NID1: variants seen among roughly 807,000 people sequenced by gnomAD.
NID1 encodes the protein nidogen 1.
In NID1, 76 loss-of-function variants were observed where a neutral mutation model predicts 130.6. The observed-to-expected ratio is 0.58, with a 90% CI of 0.48 to 0.70. The LOEUF is 0.70. Among genes scored for constraint, NID1 ranks in the 30% least tolerant of loss-of-function variants. The pLI is 0.00. For synonymous variants in NID1, 665 were observed against 675.1 expected (o/e 0.98, Z 0.23); for missense variants, 1,517 against 1,664.8 (o/e 0.91, Z 1.54).
chr1:236,051,396 A>C (rs1168316224), intron 1 of NID1, among the ~76,000 whole-genome samples: 1 of 152,144 alleles, frequency 6.6e-6, no homozygotes, highest in Admixed American at 6.5e-5. Flanking sequence ...ACATGCCAAA[A>C]ACTTGCTATT....
chr1:236,021,929 T>A (rs1572601192), intron 9 of NID1, among the ~76,000 whole-genome samples: 1 of 152,070 alleles, frequency 6.6e-6, no homozygotes, highest in African/African-American at 2.4e-5. Flanking sequence ...GAAGATGGAG[T>A]AATACGATGC....
chr1:236,053,123 C>A (rs1659808108), intron 1 of NID1, among the ~76,000 whole-genome samples: 1 of 152,160 alleles, frequency 6.6e-6, no homozygotes, highest in Admixed American at 6.5e-5. Flanking sequence ...ACCATCATGA[C>A]CTCCATTATT....
At chr1:235,985,341 GC>G in intron 15 of NID1, 37 bp downstream of exon 15, 1 of 1,612,910 alleles carries the variant, frequency 6.2e-7, no homozygotes, top group Non-Finnish European at 8.5e-7. Flanking sequence ...GCTGCTAGAA[GC>G]AAAACCAAAA....
intron 1 of NID1, among the ~76,000 whole-genome samples, chr1:236,061,859 A>G (rs1233749898): frequency 6.6e-6 from 1 of 152,180 alleles, no homozygotes; most frequent in East Asian, 1.9e-4. Context: ...GAGAGATGCA[A>G]ATCAGATTCA....
Position 236,032,469 on chromosome 1 carries a change from A to C in NID1, c.1469T>G (p.Val490Gly). The change falls in exon 6 of 20, where the codon GTT becomes GGT. Residue 490 changes from valine (V) to glycine (G), a missense_variant. Transcript: ENST00000264187. ...VGYSLLPLAP[V>G]GGIIGWMFAV... The stretch of plus-strand genomic sequence containing the variant: ...AAACATCCATCCAATGATGCCTCCA[A>C]CTGGGGCCAGTGGAAGCAGAGAATA... 1 of 1,614,020 alleles carries C rather than the reference A, an allele frequency of 6.2e-7. No individual in the cohort carries two copies. Among genetic ancestry groups the C allele is most frequent in the South Asian group, 1.1e-5 (1 of 91,058 alleles).
chr1:235,980,795 T>C, intron 16 of NID1, 142 bp from the exon 17 acceptor site: 2 of 915,932 alleles, frequency 2.2e-6, no homozygotes, highest in Non-Finnish European at 1.6e-6. Context: ...CGAGAGGTGA[T>C]AAAACACATT....
intron 8 of NID1, among the ~76,000 whole-genome samples, chr1:236,025,059 T>C (rs963769281): frequency 2.6e-5 from 4 of 151,722 alleles, no homozygotes; most frequent in African/African-American, 7.3e-5. Flanking sequence ...CAAGCGATTT[T>C]CCTGCCTCAG....
intron 2 of NID1, among the ~76,000 whole-genome samples, chr1:236,046,569 C>A (rs145866503): frequency 2.1e-3 from 316 of 151,786 alleles, no homozygotes; most frequent in Non-Finnish European, 3.3e-3. Context: ...AGAGGACGTC[C>A]CAAACAGAGA....
intron 10 of NID1, among the ~76,000 whole-genome samples, chr1:236,014,748 A>T (rs1239539580): frequency 6.6e-6 from 1 of 152,164 alleles, no homozygotes; most frequent in East Asian, 1.9e-4. Context: ...CCCTGCACCA[A>T]GATGCCTAGG....
At chr1:235,981,344 T>A (rs1657430760) in intron 16 of NID1, among the ~76,000 whole-genome samples, 1 of 152,218 alleles carries the variant, frequency 6.6e-6, no homozygotes, top group Non-Finnish European at 1.5e-5. Context: ...TGAAGCCATA[T>A]GGAAAATATC....
chr1:236,041,387 C>T (rs1337192246), intron 4 of NID1, among the ~76,000 whole-genome samples: 4 of 151,884 alleles, frequency 2.6e-5, no homozygotes, highest in Non-Finnish European at 4.4e-5. Context: ...TAAAGAGTAT[C>T]TACTTTGATA....
intron 1 of NID1, among the ~76,000 whole-genome samples, chr1:236,051,718 C>T (rs887263370): frequency 3.3e-5 from 5 of 152,180 alleles, no homozygotes; most frequent in South Asian, 2.1e-4. Flanking sequence ...GCGTGGGAAA[C>T]GGCTCACTCT....
At chr1:236,063,714 G>C (rs893385143) in intron 1 of NID1, among the ~76,000 whole-genome samples, 2 of 152,142 alleles carry the variant, frequency 1.3e-5, no homozygotes, top group African/African-American at 4.8e-5. Flanking sequence ...TTGAGCCAAG[G>C]AGTTGGAGGC....
chr1:236,058,852 A>G (rs1558452534), intron 1 of NID1, among the ~76,000 whole-genome samples: 1 of 152,196 alleles, frequency 6.6e-6, no homozygotes, highest in Non-Finnish European at 1.5e-5. Flanking sequence ...TACAAATACA[A>G]ATCGCTGTAC....
intron 10 of NID1, among the ~76,000 whole-genome samples, chr1:236,015,539 T>C (rs1810739): frequency 0.91 from 138,514 of 151,620 alleles, 63,457 homozygotes; most frequent in African/African-American, 0.98. Context: ...TCCAGCTACT[T>C]GGGAGACTGA....
At chr1:236,032,275 A>T (rs1659120540) in intron 6 of NID1, 126 bp downstream of exon 6, 8 of 1,231,974 alleles carry the variant, frequency 6.5e-6, no homozygotes, top group Non-Finnish European at 9.1e-6. Flanking sequence ...CTGTCTACAG[A>T]CAAAAAGGAG....
chr1:235,976,518 T>C lies in NID1; in HGVS notation c.*1349A>G, dbSNP rs183745883. ...ATACTTTTCATTGAATCATCTCGAC[T>C]CCTTTATCCCATCCTTTACTGACTC... is the stretch of plus-strand genomic sequence containing the variant. On this transcript the variant is annotated 3_prime_UTR_variant, in exon 20 of 20. Coordinates refer to ENST00000264187, the MANE Select transcript of NID1 (RefSeq NM_002508.3). 9.8e-5 allele frequency: 15 copies of C among 152,314 alleles called. No homozygotes were observed. In the East Asian group the frequency reaches 2.9e-3, roughly 29 times the overall value. The allele number at this position is 152,314 out of a possible 1,614,324, so 9.4% of individuals were successfully genotyped here.
At chr1:236,005,945 AAT>A (rs988002888) in intron 12 of NID1, among the ~76,000 whole-genome samples, 2 of 152,240 alleles carry the variant, frequency 1.3e-5, no homozygotes, top group African/African-American at 4.8e-5. Flanking sequence ...TTATTATGAA[AAT>A]ATAGTTATGT....
intron 12 of NID1, among the ~76,000 whole-genome samples, chr1:236,001,213 C>T (rs930653273): frequency 1.3e-5 from 2 of 151,298 alleles, no homozygotes; most frequent in African/African-American, 4.9e-5. Flanking sequence ...TCAAGCGATT[C>T]TCCTGCCTCA....
Sources: gnomAD v4.1 joint callset for allele counts (sites outside exome capture counted in the v4.1 genomes callset) on GRCh38, gnomAD v4.1.1 for gene constraint, MANE v1.5 for transcripts, NCBI Gene and HGNC (gene_info 2026-07-23, HGNC 2026-07-21) for gene names.